The following NRG1 variants were observed in gnomAD, a reference collection of about 807,000 sequenced individuals.
The protein encoded by NRG1 is neuregulin 1, also known as pro-neuregulin-1, membrane-bound isoform.
A neutral mutation model predicts 63.8 loss-of-function variants in NRG1; 18 were observed. The ratio of observed to expected loss-of-function variants is 0.28; its 90% CI spans 0.19 to 0.42. The LOEUF is 0.42. Ranked by LOEUF, NRG1 falls within the 10% of genes least tolerant of loss-of-function variation. The probability of loss-of-function intolerance (pLI) is 1.00; values close to 1 mark genes in which losing one functional copy is unlikely to be tolerated. For synonymous variants in NRG1, 302 were observed against 301.3 expected, an observed-to-expected ratio of 1.00 and a Z score of -0.02; for missense variants, 762 against 814.7, an observed-to-expected ratio of 0.94 and a Z score of 0.79.
chr8:32,323,184 T>G (rs1801614907), intron 1 of NRG1, among the ~76,000 whole-genome samples: 1 of 152,176 alleles, frequency 6.6e-6, no homozygotes, highest in African/African-American at 2.4e-5. Context: ...CCTCATTCAT[T>G]GTTCTCCACA....
At chr8:31,999,684 T>C (rs1047914979) in intron 1 of NRG1, among the ~76,000 whole-genome samples, 3 of 151,986 alleles carry the variant, frequency 2.0e-5, no homozygotes, top group African/African-American at 7.2e-5. Context: ...TATAAAGCAC[T>C]GAGTTAAAGA....
intron 3 of NRG1, among the ~76,000 whole-genome samples, chr8:32,611,924 A>G (rs1309225036): frequency 1.3e-5 from 2 of 152,114 alleles, no homozygotes; most frequent in Admixed American, 1.3e-4. Context: ...CATAATAATT[A>G]GAAAAATTCC....
chr8:32,529,339 T>G (rs1213590955), intron 1 of NRG1, among the ~76,000 whole-genome samples: 1 of 152,160 alleles, frequency 6.6e-6, no homozygotes, highest in African/African-American at 2.4e-5. Context: ...AGTGAGTGAG[T>G]GGTAAGTGAC....
intron 5 of NRG1, among the ~76,000 whole-genome samples, chr8:32,632,865 AC>A (rs1588859138): frequency 6.6e-6 from 1 of 152,334 alleles, no homozygotes; most frequent in East Asian, 1.9e-4. Flanking sequence ...TTAGCATTTG[AC>A]ATGCCAATGA....
intron 1 of NRG1, among the ~76,000 whole-genome samples, chr8:31,920,879 GATA>G (rs767843237): frequency 0.017 from 1,982 of 119,784 alleles, 16 homozygotes; most frequent in Admixed American, 0.024. Flanking sequence ...TAGATAGATA[GATA>G]GGTAGATAGA....
chr8:31,743,039 C>T (rs1815457269), intron 1 of NRG1, among the ~76,000 whole-genome samples: 1 of 151,920 alleles, frequency 6.6e-6, no homozygotes. Flanking sequence ...GCTTAGGACC[C>T]ATTTACCAAG....
chr8:32,551,324 A>G (rs1335303076), intron 1 of NRG1, among the ~76,000 whole-genome samples: 1 of 152,156 alleles, frequency 6.6e-6, no homozygotes, highest in African/African-American at 2.4e-5. Flanking sequence ...GTCAGTTCCA[A>G]GTTTCACTCC....
intron 1 of NRG1, among the ~76,000 whole-genome samples, chr8:32,428,542 T>A (rs1217228419): frequency 6.6e-6 from 1 of 152,208 alleles, no homozygotes; most frequent in Non-Finnish European, 1.5e-5. Context: ...CAGGTCTTTC[T>A]GCTTAACGGT....
chr8:31,796,402 A>G (rs1451649324), intron 1 of NRG1, among the ~76,000 whole-genome samples: 1 of 138,864 alleles, frequency 7.2e-6, no homozygotes, highest in Non-Finnish European at 1.5e-5. Context: ...ACCAAATAAG[A>G]TGGCGTATAA....
chr8:32,206,443 C>T, intron 1 of NRG1, among the ~76,000 whole-genome samples: 1 of 152,280 alleles, frequency 6.6e-6, no homozygotes, highest in South Asian at 2.1e-4. Flanking sequence ...CCAAATACCT[C>T]TATAAATTCT....
chr8:32,749,355 C>A, intron 7 of NRG1: 1 of 628,862 alleles, frequency 1.6e-6, no homozygotes, highest in Non-Finnish European at 2.8e-6. Flanking sequence ...ATTTTGCACA[C>A]CTCATAAAAA....
chr8:32,757,925 C>G (rs1398806031), intron 9 of NRG1, among the ~76,000 whole-genome samples: 4 of 152,066 alleles, frequency 2.6e-5, no homozygotes, highest in Non-Finnish European at 4.4e-5. Context: ...TTCCAAAAAG[C>G]AATAGTGAAA....
At chr8:32,233,100 T>G (rs57824626) in intron 1 of NRG1, among the ~76,000 whole-genome samples, 1,999 of 152,156 alleles carry the variant, frequency 0.013, 47 homozygotes, top group African/African-American at 0.044. Flanking sequence ...TATATTATTA[T>G]TAGTAGTAGT....
At chr8:32,686,987 A>G (rs1810322941) in intron 5 of NRG1, among the ~76,000 whole-genome samples, 2 of 152,208 alleles carry the variant, frequency 1.3e-5, no homozygotes, top group African/African-American at 4.8e-5. Flanking sequence ...CCTGTATGGT[A>G]TCTTGCATGC....
At chr8:32,407,305 TA>T (rs1207761842) in intron 1 of NRG1, among the ~76,000 whole-genome samples, 4 of 3,160 alleles carry the variant, frequency 1.3e-3, no homozygotes, top group African/African-American at 2.2e-3. Context: ...TATATATATA[TA>T]TATATATATA....
chr8:32,230,633 A>G (rs1430256005), intron 1 of NRG1, among the ~76,000 whole-genome samples: 1 of 152,202 alleles, frequency 6.6e-6, no homozygotes, highest in East Asian at 1.9e-4. Context: ...TGAGAGGACC[A>G]AAAGGCCTGG....
chr8:31,641,335 T>G (rs10954809), intron 1 of NRG1, among the ~76,000 whole-genome samples: 66,978 of 124,190 alleles, frequency 0.54, 15,577 homozygotes, highest in East Asian at 0.74. Flanking sequence ...TTGGTGGGGG[T>G]TTTTTTTTTT....
chr8:32,230,154 A>G (rs975593683), intron 1 of NRG1, among the ~76,000 whole-genome samples: 1 of 152,130 alleles, frequency 6.6e-6, no homozygotes, highest in Non-Finnish European at 1.5e-5. Context: ...TCCTTTCAAC[A>G]TTTAGCTGAG....
chr8:32,577,817 T>A (rs1839937886), intron 1 of NRG1, among the ~76,000 whole-genome samples: 2 of 152,114 alleles, frequency 1.3e-5, no homozygotes, highest in African/African-American at 4.8e-5. Flanking sequence ...GTACCATCAT[T>A]ATAGCACTTC....
Sources: gnomAD v4.1 joint callset for allele counts (sites outside exome capture counted in the v4.1 genomes callset) on GRCh38, gnomAD v4.1.1 for gene constraint, MANE v1.5 for transcripts, NCBI Gene and HGNC (gene_info 2026-07-23, HGNC 2026-07-21) for gene names.